The following HEMK2 variants were observed in gnomAD, a reference collection of about 807,000 sequenced individuals.
The protein encoded by HEMK2 is HemK methyltransferase 2, ETF1 glutamine and histone H4 lysine.
the HEMK2 span, among the ~76,000 whole-genome samples, chr21:28,852,433 T>A: frequency 6.6e-6 from 1 of 152,188 alleles, no homozygotes; most frequent in Non-Finnish European, 1.5e-5. Context: ...GCCCCTACTT[T>A]AACTGGAGAA....
At chr21:28,596,205 G>A in the HEMK2 span, among the ~76,000 whole-genome samples, 1 of 152,034 alleles carries the variant, frequency 6.6e-6, no homozygotes, top group Non-Finnish European at 1.5e-5. Context: ...TTTTAGTAGA[G>A]ACAGGGTTTC....
chr21:28,632,516 T>C, the HEMK2 span, among the ~76,000 whole-genome samples: 1 of 152,234 alleles, frequency 6.6e-6, no homozygotes, highest in South Asian at 2.1e-4. Flanking sequence ...AGTAACAGCA[T>C]AAGATGTTTT....
At chr21:28,818,247 C>T in the HEMK2 span, among the ~76,000 whole-genome samples, 4 of 152,134 alleles carry the variant, frequency 2.6e-5, no homozygotes, top group African/African-American at 9.7e-5. Flanking sequence ...TGCTTCTTAC[C>T]CTCAAACATG....
At chr21:28,651,351 T>A in the HEMK2 span, among the ~76,000 whole-genome samples, 3 of 152,176 alleles carry the variant, frequency 2.0e-5, no homozygotes, top group African/African-American at 7.2e-5. Flanking sequence ...GAAGTGTGAT[T>A]TAGAAGAAAA....
the HEMK2 span, among the ~76,000 whole-genome samples, chr21:28,808,357 A>G: frequency 6.6e-6 from 1 of 151,844 alleles, no homozygotes; most frequent in African/African-American, 2.4e-5. Flanking sequence ...GAAATGTTCT[A>G]GATCCCTTGC....
chr21:28,696,820 C>A, the HEMK2 span, among the ~76,000 whole-genome samples: 7 of 152,346 alleles, frequency 4.6e-5, no homozygotes, highest in East Asian at 1.2e-3. Flanking sequence ...ATTTCTTGAC[C>A]TCTGTACACC....
At chr21:28,764,973 G>C in the HEMK2 span, among the ~76,000 whole-genome samples, 2 of 152,086 alleles carry the variant, frequency 1.3e-5, no homozygotes. Context: ...CTTGTGTGAT[G>C]CTCTCCCCTT....
the HEMK2 span, among the ~76,000 whole-genome samples, chr21:28,663,457 G>A: frequency 3.9e-5 from 6 of 152,218 alleles, 1 homozygote; most frequent in South Asian, 4.1e-4. Flanking sequence ...GAAACACTGC[G>A]ATGGGCCAAA....
At chr21:28,780,323 G>A in the HEMK2 span, among the ~76,000 whole-genome samples, 8 of 151,976 alleles carry the variant, frequency 5.3e-5, no homozygotes, top group South Asian at 2.1e-4. Flanking sequence ...GACTACAGGC[G>A]CGAGCCACCA....
At chr21:28,823,587 C>T in the HEMK2 span, among the ~76,000 whole-genome samples, 1 of 152,088 alleles carries the variant, frequency 6.6e-6, no homozygotes, top group East Asian at 1.9e-4. Context: ...GGTTATCTTC[C>T]TACTGTTGGG....
At chr21:28,863,307 C>G in the HEMK2 span, among the ~76,000 whole-genome samples, 1 of 150,540 alleles carries the variant, frequency 6.6e-6, no homozygotes, top group African/African-American at 2.4e-5. Context: ...ACTCCTAGTT[C>G]CTCAGTTTTG....
the HEMK2 span, among the ~76,000 whole-genome samples, chr21:28,719,424 T>C: frequency 6.5e-3 from 988 of 152,282 alleles, 9 homozygotes; most frequent in African/African-American, 0.023. Flanking sequence ...CTGATGGTTT[T>C]ATAAATGGGA....
At chr21:28,745,711 G>C in the HEMK2 span, among the ~76,000 whole-genome samples, 2 of 152,024 alleles carry the variant, frequency 1.3e-5, no homozygotes, top group African/African-American at 4.8e-5. Context: ...ATTTGCATTT[G>C]AGCAGCTTCC....
chr21:28,808,176 G>C, the HEMK2 span, among the ~76,000 whole-genome samples: 2 of 152,070 alleles, frequency 1.3e-5, no homozygotes, highest in Non-Finnish European at 2.9e-5. Flanking sequence ...ACAGGGACAA[G>C]GGCAAACATC....
the HEMK2 span, among the ~76,000 whole-genome samples, chr21:28,700,823 T>C: frequency 9.0e-6 from 1 of 110,638 alleles, no homozygotes. Flanking sequence ...TACCAAAAGC[T>C]TGCAGAAACA....
chr21:28,687,878 G>T, the HEMK2 span, among the ~76,000 whole-genome samples: 1 of 152,300 alleles, frequency 6.6e-6, no homozygotes, highest in East Asian at 1.9e-4. Flanking sequence ...TGCATTTATT[G>T]TAAGTTCTTG....
chr21:28,848,673 T>G, the HEMK2 span, among the ~76,000 whole-genome samples: 2 of 152,242 alleles, frequency 1.3e-5, no homozygotes, highest in South Asian at 4.1e-4. Context: ...AGGCATCTAT[T>G]GATAAAACTA....
At chr21:28,665,834 C>G in the HEMK2 span, among the ~76,000 whole-genome samples, 4 of 152,138 alleles carry the variant, frequency 2.6e-5, no homozygotes, top group East Asian at 1.9e-4. Flanking sequence ...TTGGAACCAA[C>G]CCAAATGTCC....
the HEMK2 span, among the ~76,000 whole-genome samples, chr21:28,774,385 C>T: frequency 1.3e-5 from 2 of 152,080 alleles, no homozygotes; most frequent in Admixed American, 6.6e-5. Flanking sequence ...GCCAGGAGTT[C>T]AAGACCAGGC....
Sources: allele counts gnomAD v4.1 joint callset (sites outside exome capture counted in the v4.1 genomes callset), GRCh38; gene constraint gnomAD v4.1.1; transcripts MANE v1.5; gene names NCBI Gene and HGNC (gene_info 2026-07-23, HGNC 2026-07-21).